TMEM67: variants seen among roughly 807,000 people sequenced by gnomAD.
TMEM67 encodes the protein transmembrane protein 67.
TMEM67 carries 124 observed loss-of-function variants against 136.6 expected under a neutral mutation model. The observed-to-expected ratio is 0.91, with a 90% CI of 0.78 to 1.05. TMEM67 has a LOEUF of 1.05. Among genes scored for constraint, TMEM67 ranks in the 50% least tolerant of loss-of-function variants. The pLI is 0.00. For synonymous variants in TMEM67, 364 were observed against 390.5 expected (o/e 0.93, Z 0.80); for missense variants, 1,107 against 1,178.4 (o/e 0.94, Z 0.89).
At chr8:93,782,293 A>T in intron 10 of TMEM67, 102 bp from the exon 11 acceptor site, 1 of 813,322 alleles carries the variant, frequency 1.2e-6, no homozygotes, top group Non-Finnish European at 2.1e-6. Flanking sequence ...TACATTAAAT[A>T]AGTATTATGT....
chr8:93,803,779 T>C (rs956433298), intron 22 of TMEM67, 95 bp downstream of exon 22: 1 of 797,706 alleles, frequency 1.3e-6, no homozygotes, highest in Non-Finnish European at 2.2e-6. Flanking sequence ...TTTGGTATGA[T>C]TGAATTTTTG....
At chr8:93,761,028 C>T (rs542738308) in intron 3 of TMEM67, among the ~76,000 whole-genome samples, 4 of 152,144 alleles carry the variant, frequency 2.6e-5, no homozygotes, top group South Asian at 2.1e-4. Flanking sequence ...AAAATTTTTT[C>T]GACCGGGCAC....
intron 23 of TMEM67, among the ~76,000 whole-genome samples, chr8:93,808,414 TATAG>T (rs1458363052): frequency 6.2e-5 from 2 of 32,362 alleles, no homozygotes; most frequent in Non-Finnish European, 1.2e-4. Context: ...ATTTCTCTAT[TATAG>T]ATATATATTT....
intron 20 of TMEM67, among the ~76,000 whole-genome samples, chr8:93,799,104 C>T (rs2130741943): frequency 6.6e-6 from 1 of 152,094 alleles, no homozygotes; most frequent in African/African-American, 2.4e-5. Context: ...CTTCTCAGAG[C>T]CTTTATTCTA....
At chr8:93,822,492 C>T (rs1809055377), downstream of TMEM67, among the ~76,000 whole-genome samples, 1 of 152,206 alleles carries the variant, frequency 6.6e-6, no homozygotes, top group African/African-American at 2.4e-5. Flanking sequence ...CCATGGCTGA[C>T]AGCAGATGGC....
chr8:93,768,946 T>A (rs73694928), intron 6 of TMEM67, among the ~76,000 whole-genome samples: 34 of 151,944 alleles, frequency 2.2e-4, no homozygotes, highest in Middle Eastern at 3.4e-3. Flanking sequence ...CAGATTTTTT[T>A]AAAATTAAAA....
intron 7 of TMEM67, among the ~76,000 whole-genome samples, chr8:93,776,166 G>C (rs1229683507): frequency 6.6e-6 from 1 of 152,146 alleles, no homozygotes; most frequent in East Asian, 1.9e-4. Context: ...TCTGTTATTG[G>C]TGTACAGGAA....
intron 6 of TMEM67, among the ~76,000 whole-genome samples, chr8:93,768,751 A>G (rs1238328051): frequency 2.6e-5 from 4 of 151,944 alleles, no homozygotes; most frequent in Non-Finnish European, 5.9e-5. Context: ...ATTATCCTCA[A>G]TTTATTTATA....
At chr8:93,771,344 G>A (rs1304297937) in intron 6 of TMEM67, among the ~76,000 whole-genome samples, 3 of 150,124 alleles carry the variant, frequency 2.0e-5, no homozygotes, top group East Asian at 3.9e-4. Flanking sequence ...TCTTCTTTTC[G>A]AAGTTCAAGT....
chr8:93,772,465 G>A (rs1247162643), intron 6 of TMEM67, 124 bp from the exon 7 acceptor site: 6 of 719,476 alleles, frequency 8.3e-6, no homozygotes, highest in Admixed American at 7.0e-5. Flanking sequence ...ATCAATTCTT[G>A]TATTCCTATT....
chr8:93,823,321 A>G (rs1809066271), downstream of TMEM67, among the ~76,000 whole-genome samples: 1 of 152,164 alleles, frequency 6.6e-6, no homozygotes, highest in African/African-American at 2.4e-5. Flanking sequence ...CCCCATTTCA[A>G]GATCCTTAGC....
At chr8:93,762,924 T>TTTTGTTTG (rs773994299) in intron 3 of TMEM67, 1 of 443,764 alleles carries the variant, frequency 2.3e-6, no homozygotes, top group Non-Finnish European at 4.5e-6. Context: ...ACCTGATTCT[T>TTTTGTTTG]TTTGTTTGTT....
chr8:93,831,944 G>T, the TMEM67 span, among the ~76,000 whole-genome samples: 1 of 152,178 alleles, frequency 6.6e-6, no homozygotes. Context: ...GTAATGGAGA[G>T]GGGCACTGCT....
intron 26 of TMEM67, among the ~76,000 whole-genome samples, chr8:93,814,648 C>T (rs990132826): frequency 6.1e-5 from 9 of 148,134 alleles, no homozygotes; most frequent in Admixed American, 5.4e-4. Context: ...GCTTTTCTTT[C>T]TTTCTTTTTT....
chr8:93,811,054 A>T (rs1213370534), intron 26 of TMEM67, among the ~76,000 whole-genome samples: 1 of 152,206 alleles, frequency 6.6e-6, no homozygotes, highest in Non-Finnish European at 1.5e-5. Context: ...ATTGCATGCC[A>T]GATATTGTGT....
chr8:93,772,490 T>G, intron 6 of TMEM67, 99 bp from the exon 7 acceptor site: 1 of 878,654 alleles, frequency 1.1e-6, no homozygotes, highest in Non-Finnish European at 1.9e-6. Context: ...ACTGTTTTTC[T>G]ACTAACATTG....
At chr8:93,821,686 C>G (rs1809043771), downstream of TMEM67, among the ~76,000 whole-genome samples, 1 of 152,130 alleles carries the variant, frequency 6.6e-6, no homozygotes, top group Non-Finnish European at 1.5e-5. Context: ...ATCACTTGAT[C>G]TCAGGAGTTC....
At chr8:93,776,430 A>G (rs1813544181) in intron 7 of TMEM67, among the ~76,000 whole-genome samples, 1 of 152,160 alleles carries the variant, frequency 6.6e-6, no homozygotes, top group African/African-American at 2.4e-5. Flanking sequence ...GTCTTGTGCC[A>G]GTTTTCAAAG....
intron 14 of TMEM67, among the ~76,000 whole-genome samples, chr8:93,790,334 G>T (rs1397290640): frequency 6.6e-6 from 1 of 151,970 alleles, no homozygotes. Context: ...TCTTGTTCCT[G>T]TTTCTAAGAA....
Sources: gnomAD v4.1 joint callset for allele counts (sites outside exome capture counted in the v4.1 genomes callset) on GRCh38, gnomAD v4.1.1 for gene constraint, MANE v1.5 for transcripts, NCBI Gene and HGNC (gene_info 2026-07-23, HGNC 2026-07-21) for gene names.